CNTN5: variants seen among roughly 807,000 people sequenced by gnomAD.
CNTN5 encodes the protein contactin-5.
In CNTN5, 77 loss-of-function variants were observed where a neutral mutation model predicts 129.1. That is an observed-to-expected ratio of 0.60 (90% confidence interval 0.50 to 0.72). The LOEUF (loss-of-function observed/expected upper bound fraction) is 0.72. Ranked by LOEUF, CNTN5 falls within the 30% of genes least tolerant of loss-of-function variation. The probability of loss-of-function intolerance (pLI) is 0.00; values close to 1 mark genes in which losing one functional copy is unlikely to be tolerated. For missense variants in CNTN5, 1,478 were observed against 1,328.8 expected (o/e 1.11, Z -1.75); for synonymous variants, 509 against 465.6 (o/e 1.09, Z -1.20).
intron 16 of CNTN5, among the ~76,000 whole-genome samples, chr11:100,237,727 T>G (rs1052894941): frequency 6.6e-6 from 1 of 152,206 alleles, no homozygotes; most frequent in Non-Finnish European, 1.5e-5. Flanking sequence ...ATCTTTTAAA[T>G]AAATTTCTCT....
intron 3 of CNTN5, among the ~76,000 whole-genome samples, chr11:99,792,211 T>C (rs1945770242): frequency 1.3e-5 from 2 of 152,214 alleles, no homozygotes; most frequent in Admixed American, 1.3e-4. Context: ...TGTTTGCCTA[T>C]TCAGTATGAT....
At chr11:99,586,915 A>G (rs1000534918) in intron 3 of CNTN5, among the ~76,000 whole-genome samples, 12 of 152,276 alleles carry the variant, frequency 7.9e-5, no homozygotes, top group Admixed American at 7.8e-4. Flanking sequence ...AAGCTTATCC[A>G]GGAACGTTAA....
At chr11:99,279,589 T>C (rs1025264107) in intron 1 of CNTN5, among the ~76,000 whole-genome samples, 3 of 151,762 alleles carry the variant, frequency 2.0e-5, no homozygotes, top group African/African-American at 7.2e-5. Flanking sequence ...TGGGGCAGCT[T>C]TGAACTGCAT....
chr11:99,053,211 A>G (rs539616516), intron 1 of CNTN5, among the ~76,000 whole-genome samples: 1 of 152,082 alleles, frequency 6.6e-6, no homozygotes, highest in East Asian at 1.9e-4. Flanking sequence ...ATTTCTGTTT[A>G]GAATCTACTC....
intron 13 of CNTN5, among the ~76,000 whole-genome samples, chr11:100,105,124 C>T (rs572975865): frequency 2.0e-5 from 3 of 152,206 alleles, no homozygotes; most frequent in East Asian, 3.9e-4. Context: ...AACTAATGTT[C>T]GAGGCTTAAC....
intron 7 of CNTN5, among the ~76,000 whole-genome samples, chr11:99,949,966 A>T (rs946785476): frequency 4.6e-5 from 7 of 152,202 alleles, no homozygotes; most frequent in African/African-American, 1.7e-4. Flanking sequence ...TGGTGACATA[A>T]TTATGAAGAA....
chr11:99,425,923 A>G (rs1943101397), intron 2 of CNTN5, among the ~76,000 whole-genome samples: 1 of 152,216 alleles, frequency 6.6e-6, no homozygotes, highest in South Asian at 2.1e-4. Flanking sequence ...CATCACAACC[A>G]TGGTTAGAGA....
intron 9 of CNTN5, among the ~76,000 whole-genome samples, chr11:100,050,611 A>T (rs1472575912): frequency 6.6e-6 from 1 of 152,070 alleles, no homozygotes; most frequent in Non-Finnish European, 1.5e-5. Context: ...TGTACCCTAA[A>T]ACTTAAAGTA....
At chr11:99,705,315 G>A (rs892960969) in intron 3 of CNTN5, among the ~76,000 whole-genome samples, 12 of 151,402 alleles carry the variant, frequency 7.9e-5, no homozygotes, top group African/African-American at 2.9e-4. Context: ...GCTCTAAGAA[G>A]AGTTACTGAA....
chr11:100,177,696 G>T (rs886313214), intron 13 of CNTN5, among the ~76,000 whole-genome samples: 1 of 151,998 alleles, frequency 6.6e-6, no homozygotes, highest in Non-Finnish European at 1.5e-5. Flanking sequence ...CTTTTAAAAA[G>T]ATGGCTATTT....
intron 2 of CNTN5, among the ~76,000 whole-genome samples, chr11:99,504,256 A>G (rs980132306): frequency 7.2e-5 from 11 of 152,190 alleles, no homozygotes; most frequent in African/African-American, 2.4e-4. Context: ...AAAAGAAATT[A>G]AAGTGGCTGG....
intron 21 of CNTN5, among the ~76,000 whole-genome samples, chr11:100,321,187 G>C (rs1047395586): frequency 1.3e-5 from 2 of 151,316 alleles, no homozygotes; most frequent in Non-Finnish European, 2.9e-5. Context: ...CATGAACATA[G>C]GATTTTTTTC....
At chr11:99,676,726 A>T (rs748392962) in intron 3 of CNTN5, among the ~76,000 whole-genome samples, 28 of 151,354 alleles carry the variant, frequency 1.8e-4, no homozygotes, top group Admixed American at 3.3e-4. Flanking sequence ...AAGTATAATT[A>T]AAAAAAAATT....
chr11:99,402,824 C>A (rs1278986724), intron 2 of CNTN5, among the ~76,000 whole-genome samples: 1 of 152,016 alleles, frequency 6.6e-6, no homozygotes, highest in African/African-American at 2.4e-5. Flanking sequence ...GGAATTTGTC[C>A]ATTTCTTCTA....
chr11:99,392,516 T>C (rs916143138), intron 2 of CNTN5, among the ~76,000 whole-genome samples: 1 of 151,904 alleles, frequency 6.6e-6, no homozygotes, highest in African/African-American at 2.4e-5. Context: ...CATCTGATGA[T>C]ATTGACTTTC....
At chr11:99,606,380 C>A (rs1950415500) in intron 3 of CNTN5, among the ~76,000 whole-genome samples, 1 of 136,118 alleles carries the variant, frequency 7.3e-6, no homozygotes. Flanking sequence ...CCTAGGAATC[C>A]AACTTACAAG....
At chr11:99,675,440 T>C (rs1026909999) in intron 3 of CNTN5, among the ~76,000 whole-genome samples, 5 of 152,206 alleles carry the variant, frequency 3.3e-5, no homozygotes, top group African/African-American at 1.2e-4. Flanking sequence ...CCTAGCACTT[T>C]GGGAGGCCGA....
At chr11:99,793,261 G>C (rs539735343) in intron 3 of CNTN5, among the ~76,000 whole-genome samples, 9 of 152,048 alleles carry the variant, frequency 5.9e-5, no homozygotes, top group Middle Eastern at 3.4e-3. Flanking sequence ...GGGTTTCACC[G>C]TGTTAGCCAG....
chr11:99,361,932 A>C (rs58064471), intron 2 of CNTN5, among the ~76,000 whole-genome samples: 1 of 152,084 alleles, frequency 6.6e-6, no homozygotes, highest in Non-Finnish European at 1.5e-5. Flanking sequence ...CCTATTATGA[A>C]TAACACTGCT....
Sources: gnomAD v4.1 joint callset for allele counts (sites outside exome capture counted in the v4.1 genomes callset) on GRCh38, gnomAD v4.1.1 for gene constraint, MANE v1.5 for transcripts, NCBI Gene and HGNC (gene_info 2026-07-23, HGNC 2026-07-21) for gene names.